Variants in PRRC2C observed in about 807,000 individuals in gnomAD.
PRRC2C encodes protein PRRC2C.
In PRRC2C, 72 loss-of-function variants were observed where a neutral mutation model predicts 317.2. That is an observed-to-expected ratio of 0.23 (90% CI 0.19 to 0.28). PRRC2C has a LOEUF of 0.28. Among genes scored for constraint, PRRC2C ranks in the 10% least tolerant of loss-of-function variants. PRRC2C has a pLI of 1.00. For missense variants in PRRC2C, 3,074 were observed against 3,459.7 expected (o/e 0.89, Z 2.80); for synonymous variants, 1,296 against 1,205.9 (o/e 1.07, Z -1.55).
chr1:171,505,962 C>T (rs1670098427), intron 1 of PRRC2C, among the ~76,000 whole-genome samples: 1 of 152,190 alleles, frequency 6.6e-6, no homozygotes, highest in Non-Finnish European at 1.5e-5. Flanking sequence ...AGTACAGTAA[C>T]ATGCTGTGCA....
chr1:171,588,555 C>A (rs1650582929), intron 33 of PRRC2C, 50 bp downstream of exon 33: 11 of 1,555,466 alleles, frequency 7.1e-6, no homozygotes, highest in Non-Finnish European at 9.7e-6. Context: ...AAAATAGTTG[C>A]TAATCTGATA....
Position 171,576,683 on chromosome 1 carries a change from G to A in PRRC2C, c.6956-751G>A, listed in dbSNP as rs146378620. Among the ~76,000 whole-genome samples, 1,204 of 151,992 alleles carry A rather than the reference G, an allele frequency of 7.9e-3. 63 individuals are homozygous for A. Among genetic ancestry groups the A allele is most frequent in the Admixed American group, 0.072 (1,099 of 15,232 alleles). On this transcript the variant is annotated intron_variant, in intron 25 of 34. Coordinates refer to ENST00000647382, the MANE Select transcript of PRRC2C (RefSeq NM_001387844.1). ...TTTGTTTCTTGGTTAGTTGTTTTTG[G>A]AGTTGTGTGGTTTTTTTTGTTTTTT...
Position 171,571,401 on chromosome 1 carries a change from A to T in PRRC2C, c.6733A>T (p.Thr2245Ser), listed in dbSNP as rs1008412811. 4.4e-6 allele frequency: 7 copies of T among 1,604,672 alleles called. No homozygotes were observed. In the African/African-American group the frequency reaches 8.0e-5, roughly 18 times the overall value. The part of the protein sequence containing the change: ...SSSLTSVPPT[T>S]FSLTFKMESA... ...CAGCCTAACTTCAGTTCCTCCCACT[A>T]CTTTCAGCCTCACCTTCAAGGTATG... The change falls in exon 24 of 35, where the codon ACT becomes TCT. Residue 2245 changes from threonine (T) to serine (S), a missense_variant. Physicochemically the swap from Thr to Ser is moderately conservative, Grantham distance 58 (BLOSUM62 1). Transcript: ENST00000647382.
intron 15 of PRRC2C, 60 bp from the exon 16 acceptor site, chr1:171,539,911 A>G (rs1677652293): frequency 7.4e-7 from 1 of 1,360,328 alleles, no homozygotes; most frequent in Non-Finnish European, 1.0e-6. Context: ...ATTTTGCTAT[A>G]TACTTACGCA....
intron 28 of PRRC2C, among the ~76,000 whole-genome samples, chr1:171,580,744 G>A (rs1046917904): frequency 6.6e-6 from 1 of 152,184 alleles, no homozygotes; most frequent in African/African-American, 2.4e-5. Flanking sequence ...GTGAGTAAGA[G>A]TCAGATAGTA....
In PRRC2C at chr1:171,540,384, G is replaced by T. The variant is rs138965743; in HGVS notation, c.2918G>T (p.Gly973Val). Residue 973 changes from glycine to valine, a missense_variant, in exon 16 of 35, where the codon GGC becomes GTC. Physicochemically the swap from Gly to Val is moderately radical, Grantham distance 109 (BLOSUM62 -3). Coordinates refer to ENST00000647382, the MANE Select transcript of PRRC2C (RefSeq NM_001387844.1). ...ERPEEKPKKE[G>V]FIRSSEGPKP... Reference sequence around the variant, plus strand: ...CCAGAGGAGAAACCAAAAAAGGAAGGCTTTATACGATCTTCTGAAGGACCA... The same window carrying T: ...CCAGAGGAGAAACCAAAAAAGGAAGTCTTTATACGATCTTCTGAAGGACCA... The T allele has an allele frequency of 1.8e-4, 288 of 1,613,026 alleles. 4 individuals are homozygous for T. In the East Asian group the frequency reaches 4.7e-3, roughly 27 times the overall value.
chr1:171,551,727 T>C (rs1680287971), intron 18 of PRRC2C, among the ~76,000 whole-genome samples: 1 of 152,278 alleles, frequency 6.6e-6, no homozygotes, highest in African/African-American at 2.4e-5. Flanking sequence ...GAATCCTTTC[T>C]CCATTTCTTG....
At chr1:171,539,529 C>T (rs1677550207) in intron 15 of PRRC2C, among the ~76,000 whole-genome samples, 1 of 151,970 alleles carries the variant, frequency 6.6e-6, no homozygotes, top group Admixed American at 6.6e-5. Context: ...TATATTATAC[C>T]TATACCTATA....
At chr1:171,574,861 G>A (rs1176357848) in intron 24 of PRRC2C, 66 bp from the exon 25 acceptor site, 2 of 1,404,918 alleles carry the variant, frequency 1.4e-6, no homozygotes, top group East Asian at 4.9e-5. Context: ...ACTGATACAT[G>A]TATATACATA....
chr1:171,589,982 TC>T (rs1210179910), intron 34 of PRRC2C, among the ~76,000 whole-genome samples: 1 of 102,714 alleles, frequency 9.7e-6, no homozygotes, highest in Non-Finnish European at 2.4e-5. Flanking sequence ...CCATTTTCTT[TC>T]TTTTTTTTTT....
intron 28 of PRRC2C, among the ~76,000 whole-genome samples, chr1:171,582,753 G>T (rs942274484): frequency 2.0e-4 from 31 of 151,788 alleles, no homozygotes; most frequent in African/African-American, 7.5e-4. Context: ...AATGGAGCTT[G>T]CAGGACTGGC....
chr1:171,512,278 A>G, intron 2 of PRRC2C, 78 bp downstream of exon 2: 1 of 1,031,820 alleles, frequency 9.7e-7, no homozygotes. Flanking sequence ...TGCTATGAGA[A>G]GCTAGGATGT....
intron 11 of PRRC2C, among the ~76,000 whole-genome samples, chr1:171,529,640 A>C (rs1308292201): frequency 6.6e-6 from 1 of 152,118 alleles, no homozygotes; most frequent in Non-Finnish European, 1.5e-5. Flanking sequence ...TTCTTGACAG[A>C]TACTGCTTTC....
At chr1:171,500,721 T>C (rs994276937) in intron 1 of PRRC2C, among the ~76,000 whole-genome samples, 1 of 152,224 alleles carries the variant, frequency 6.6e-6, no homozygotes, top group African/African-American at 2.4e-5. Flanking sequence ...TATATTAAAC[T>C]GCTGCCTTCC....
At chr1:171,577,658 T>C (rs752004591) in intron 26 of PRRC2C, 21 bp downstream of exon 26, 1 of 1,592,402 alleles carries the variant, frequency 6.3e-7, no homozygotes, top group Admixed American at 1.7e-5. Flanking sequence ...TAGGCTTGAA[T>C]ATAAGGAATT....
intron 1 of PRRC2C, among the ~76,000 whole-genome samples, chr1:171,492,151 A>T (rs1372496934): frequency 6.6e-6 from 1 of 152,206 alleles, no homozygotes; most frequent in Non-Finnish European, 1.5e-5. Flanking sequence ...GGATTTTTGT[A>T]GCCCCCACAA....
chr1:171,591,125 C>T, intron 34 of PRRC2C: 6 of 982,576 alleles, frequency 6.1e-6, no homozygotes, highest in Non-Finnish European at 7.3e-6. Flanking sequence ...GTCGTAGTTA[C>T]TAATTTCTGA....
chr1:171,491,060 A>G (rs78292883), intron 1 of PRRC2C, among the ~76,000 whole-genome samples: 19,318 of 152,206 alleles, frequency 0.13, 1,612 homozygotes, highest in South Asian at 0.36. Flanking sequence ...ATATTACACA[A>G]TATCAAGACA....
At chr1:171,501,461 C>G (rs754492667) in intron 1 of PRRC2C, among the ~76,000 whole-genome samples, 7 of 152,120 alleles carry the variant, frequency 4.6e-5, no homozygotes, top group Non-Finnish European at 8.8e-5. Flanking sequence ...CATCTAATTA[C>G]AATGAAAAAT....
Sources: allele counts gnomAD v4.1 joint callset (sites outside exome capture counted in the v4.1 genomes callset), GRCh38; gene constraint gnomAD v4.1.1; transcripts MANE v1.5; gene names NCBI Gene and HGNC (gene_info 2026-07-23, HGNC 2026-07-21).